HHAT: variants seen among roughly 807,000 people sequenced by gnomAD.
HHAT encodes the protein protein-cysteine N-palmitoyltransferase HHAT.
HHAT carries 47 observed loss-of-function variants against 70.8 expected under a neutral mutation model. The ratio of observed to expected loss-of-function variants is 0.66; its 90% CI spans 0.53 to 0.85. The LOEUF (loss-of-function observed/expected upper bound fraction) is 0.85, where lower values mean the gene tolerates loss of function less well. HHAT is among the 40% of genes least tolerant of loss of function. The pLI is 0.00. For synonymous variants in HHAT, 228 were observed against 247.6 expected (o/e 0.92, Z 0.74); for missense variants, 609 against 604.8 (o/e 1.01, Z -0.07).
intron 2 of HHAT, among the ~76,000 whole-genome samples, chr1:210,361,746 T>G (rs2088338030): frequency 1.3e-5 from 2 of 152,118 alleles, no homozygotes; most frequent in Admixed American, 6.6e-5. Context: ...TGTCCTTTTT[T>G]GGGGGGGAAT....
chr1:210,487,512 T>A (rs1040019938), intron 8 of HHAT, among the ~76,000 whole-genome samples: 1 of 152,138 alleles, frequency 6.6e-6, no homozygotes, highest in Non-Finnish European at 1.5e-5. Context: ...AAATTTGTTT[T>A]GACAGCCAGG....
At chr1:210,636,710 A>G (rs12090004) in intron 11 of HHAT, among the ~76,000 whole-genome samples, 1 of 152,138 alleles carries the variant, frequency 6.6e-6, no homozygotes, top group Non-Finnish European at 1.5e-5. Flanking sequence ...ATTGCCGGAA[A>G]CAGAAGTCTT....
intron 2 of HHAT, among the ~76,000 whole-genome samples, chr1:210,351,424 C>T (rs2087010835): frequency 6.6e-6 from 1 of 152,226 alleles, no homozygotes; most frequent in Non-Finnish European, 1.5e-5. Flanking sequence ...CAAGTTGACA[C>T]ATAGCACTAA....
At chr1:210,360,573 G>A (rs1417183410) in intron 2 of HHAT, among the ~76,000 whole-genome samples, 2 of 152,108 alleles carry the variant, frequency 1.3e-5, no homozygotes, top group African/African-American at 4.8e-5. Context: ...GCCTCCCAAA[G>A]TGCTGGGATT....
intron 8 of HHAT, among the ~76,000 whole-genome samples, chr1:210,487,554 G>A (rs1049535975): frequency 6.6e-5 from 10 of 152,220 alleles, no homozygotes; most frequent in African/African-American, 1.7e-4. Flanking sequence ...TGTGTTTCTC[G>A]TATGACACTG....
intron 6 of HHAT, among the ~76,000 whole-genome samples, chr1:210,417,203 G>A (rs1456240848): frequency 6.6e-6 from 1 of 152,122 alleles, no homozygotes; most frequent in Admixed American, 6.6e-5. Context: ...TTGTTTTGAT[G>A]GCAAAGCTAC....
intron 3 of HHAT, among the ~76,000 whole-genome samples, chr1:210,382,898 G>A (rs988306957): frequency 6.6e-6 from 1 of 152,138 alleles, no homozygotes; most frequent in Non-Finnish European, 1.5e-5. Context: ...TCAGAAAAGG[G>A]TTTCCTCCTT....
intron 9 of HHAT, among the ~76,000 whole-genome samples, chr1:210,573,050 G>A (rs1443836945): frequency 6.6e-6 from 1 of 152,192 alleles, no homozygotes; most frequent in African/African-American, 2.4e-5. Context: ...AATCCAATTA[G>A]GGAAGACAGA....
At chr1:210,397,665 C>T (rs1008863603) in intron 4 of HHAT, among the ~76,000 whole-genome samples, 4 of 151,622 alleles carry the variant, frequency 2.6e-5, no homozygotes, top group African/African-American at 9.7e-5. Context: ...TTGATAAATA[C>T]ATAAGCACAT....
chr1:210,375,619 C>G (rs189947653), intron 3 of HHAT, among the ~76,000 whole-genome samples: 241 of 151,924 alleles, frequency 1.6e-3, no homozygotes, highest in Non-Finnish European at 2.9e-3. Context: ...GTTTATTCAG[C>G]TTCTTGAATT....
chr1:210,474,734 G>A (rs1282534552), intron 8 of HHAT, among the ~76,000 whole-genome samples: 5 of 152,018 alleles, frequency 3.3e-5, no homozygotes, highest in Non-Finnish European at 7.4e-5. Context: ...TAGTGGATAA[G>A]AGTGAGTCTG....
intron 2 of HHAT, among the ~76,000 whole-genome samples, chr1:210,352,401 T>C (rs151032989): frequency 2.6e-4 from 40 of 152,302 alleles, no homozygotes; most frequent in African/African-American, 9.6e-4. Context: ...TGGTTCCTCA[T>C]CTCACTTTCT....
chr1:210,610,818 G>A (rs756321411), intron 10 of HHAT, among the ~76,000 whole-genome samples: 2 of 152,014 alleles, frequency 1.3e-5, no homozygotes, highest in Non-Finnish European at 2.9e-5. Context: ...GAGATCAGAC[G>A]ATTATAGGTA....
At chr1:210,516,793 A>G (rs529844269) in intron 9 of HHAT, among the ~76,000 whole-genome samples, 1 of 152,156 alleles carries the variant, frequency 6.6e-6, no homozygotes, top group East Asian at 1.9e-4. Flanking sequence ...TTTTAAATTG[A>G]TGGAAGTCAT....
chr1:210,660,641 A>G (rs981068777), intron 11 of HHAT, among the ~76,000 whole-genome samples: 1 of 152,234 alleles, frequency 6.6e-6, no homozygotes, highest in Non-Finnish European at 1.5e-5. Context: ...AGCTGGAGGC[A>G]TCACGCTACC....
At chr1:210,405,275 C>T (rs568570776) in intron 6 of HHAT, among the ~76,000 whole-genome samples, 1 of 152,208 alleles carries the variant, frequency 6.6e-6, no homozygotes, top group East Asian at 1.9e-4. Context: ...TCTGAAATGC[C>T]ATGTTAAGCT....
At chr1:210,661,533 C>T (rs1006131158) in intron 11 of HHAT, among the ~76,000 whole-genome samples, 15 of 152,190 alleles carry the variant, frequency 9.9e-5, no homozygotes, top group Non-Finnish European at 1.3e-4. Context: ...CCATTTGACC[C>T]AGCCATCCCA....
chr1:210,531,693 G>A (rs1028237263), intron 9 of HHAT, among the ~76,000 whole-genome samples: 7 of 152,152 alleles, frequency 4.6e-5, no homozygotes, highest in Non-Finnish European at 4.4e-5. Context: ...AATACCATCT[G>A]TTTCAAGGCT....
intron 3 of HHAT, among the ~76,000 whole-genome samples, chr1:210,375,291 ATGTG>A (rs2090097147): frequency 7.8e-6 from 1 of 128,180 alleles, no homozygotes; most frequent in Non-Finnish European, 1.6e-5. Flanking sequence ...GTATGTGTGT[ATGTG>A]TATATACACA....
Sources: allele counts gnomAD v4.1 joint callset (sites outside exome capture counted in the v4.1 genomes callset), GRCh38; gene constraint gnomAD v4.1.1; transcripts MANE v1.5; gene names NCBI Gene and HGNC (gene_info 2026-07-23, HGNC 2026-07-21).